KLF12: variants seen among roughly 807,000 people sequenced by gnomAD.
KLF12 encodes the protein KLF transcription factor 12, also known as Krueppel-like factor 12.
KLF12 carries 9 observed loss-of-function variants against 37.8 expected under a neutral mutation model. The observed-to-expected ratio is 0.24, with a 90% confidence interval of 0.14 to 0.42. The LOEUF (loss-of-function observed/expected upper bound fraction) is 0.42. Among genes scored for constraint, KLF12 ranks in the 10% least tolerant of loss-of-function variants. KLF12 has a pLI of 1.00. For missense variants in KLF12, 411 were observed against 516.0 expected, an observed-to-expected ratio of 0.80 and a Z score of 1.97; for synonymous variants, 208 against 202.1, an observed-to-expected ratio of 1.03 and a Z score of -0.25.
chr13:74,155,614 C>T, the KLF12 span, among the ~76,000 whole-genome samples: 4 of 152,230 alleles, frequency 2.6e-5, no homozygotes, highest in East Asian at 3.9e-4. Context: ...CCACCCATCT[C>T]GGTCTCCCAA....
intron 6 of KLF12, among the ~76,000 whole-genome samples, chr13:73,742,757 C>G (rs373337779): frequency 1.3e-5 from 2 of 152,184 alleles, no homozygotes; most frequent in African/African-American, 4.8e-5. Flanking sequence ...AGAGGTCACA[C>G]AGTAGAAATG....
rs78658261 is a variant in KLF12, at chr13:73,925,152, T to C, written c.123+18829A>G. Among the ~76,000 whole-genome samples, 610 of 152,300 alleles carry C rather than the reference T, an allele frequency of 4.0e-3. 5 individuals are homozygous for C. Among genetic ancestry groups the C allele is most frequent in the African/African-American group, 0.013 (523 of 41,556 alleles). On this transcript the variant is annotated intron_variant, in intron 3 of 7. Transcript: ENST00000377669. ...GATTTAGTTAAGATCATTGATGAAG[T>C]TGAGAATATACATTAAACAACAGAC...
chr13:73,762,334 GC>G (rs1879618676), intron 6 of KLF12, among the ~76,000 whole-genome samples: 1 of 152,166 alleles, frequency 6.6e-6, no homozygotes, highest in Admixed American at 6.5e-5. Flanking sequence ...AGCAGATGCT[GC>G]CTCTCGTAAC....
At chr13:74,056,475 G>A (rs986772821) in intron 1 of KLF12, among the ~76,000 whole-genome samples, 3 of 152,092 alleles carry the variant, frequency 2.0e-5, no homozygotes, top group Non-Finnish European at 4.4e-5. Context: ...CAACTGACAC[G>A]GCACTAGGTG....
intron 6 of KLF12, among the ~76,000 whole-genome samples, chr13:73,746,131 C>A (rs1351079714): frequency 1.3e-5 from 2 of 150,580 alleles, no homozygotes; most frequent in African/African-American, 4.9e-5. Context: ...TGTGGGCAAA[C>A]AATGCAGGGA....
chr13:74,080,374 A>C (rs1247049022), intron 1 of KLF12, among the ~76,000 whole-genome samples: 3 of 152,068 alleles, frequency 2.0e-5, no homozygotes, highest in Non-Finnish European at 4.4e-5. Context: ...CTTGAGCCTG[A>C]AAGTTCGAGG....
At chr13:73,917,349 T>C (rs1307938891) in intron 3 of KLF12, among the ~76,000 whole-genome samples, 1 of 152,180 alleles carries the variant, frequency 6.6e-6, no homozygotes, top group African/African-American at 2.4e-5. Context: ...CACTAACCTT[T>C]CCAATGCCTA....
chr13:73,754,271 T>G lies in KLF12; in HGVS notation c.869+10667A>C, dbSNP rs148414019. On this transcript the variant is annotated intron_variant, in intron 6 of 7. Transcript: ENST00000377669. ...AATTTTTTAAAATGTTAGGGCTACA[T>G]CTAATCAATTCCTAACACTCAAAAT... 4.7e-3 allele frequency among the ~76,000 whole-genome samples: 721 copies of G among 152,300 alleles called. 2 individuals are homozygous for G. The highest frequency in any genetic ancestry group is 0.016 in the African/African-American group (670 of 41,552).
Position 73,957,094 on chromosome 13 carries a change from AG to A in KLF12, c.34-13025del, listed in dbSNP as rs1566481742. Among the ~76,000 whole-genome samples the A allele has an allele frequency of 6.2e-5, 9 of 144,688 alleles. 1 individual carries two copies. The highest frequency in any genetic ancestry group is 2.1e-4 in the Admixed American group (3 of 14,412). The allele number at this position is 144,688 out of a possible 152,430, so 94.9% of individuals were successfully genotyped here. A position where few individuals can be genotyped will look rare whatever the true frequency, so the allele number is the denominator to read the frequency against. On this transcript the variant is annotated intron_variant, in intron 2 of 7. Coordinates refer to ENST00000377669, the MANE Select transcript of KLF12 (RefSeq NM_007249.5). ...AGGAAAGGAAAGGAAAGGAAAGGAA[AG>A]GAAAGGAAAGAAAGGAAAAGAAAGA...
intron 6 of KLF12, among the ~76,000 whole-genome samples, chr13:73,720,714 G>T (rs1876176806): frequency 6.6e-6 from 1 of 152,102 alleles, no homozygotes; most frequent in Non-Finnish European, 1.5e-5. Flanking sequence ...ACCCAGAGAG[G>T]CTCAAAAAGT....
intron 6 of KLF12, among the ~76,000 whole-genome samples, chr13:73,725,053 T>G (rs1055575101): frequency 6.6e-6 from 1 of 152,210 alleles, no homozygotes; most frequent in Admixed American, 6.5e-5. Flanking sequence ...GCCACTCTAA[T>G]TATAAGATTT....
chr13:74,286,098 T>A, the KLF12 span, among the ~76,000 whole-genome samples: 1 of 152,202 alleles, frequency 6.6e-6, no homozygotes, highest in South Asian at 2.1e-4. Context: ...AAGATAAACA[T>A]GATGAACAAA....
chr13:73,723,007 A>T (rs1215751493), intron 6 of KLF12, among the ~76,000 whole-genome samples: 1 of 152,200 alleles, frequency 6.6e-6, no homozygotes, highest in Non-Finnish European at 1.5e-5. Flanking sequence ...CCGTTAAAAA[A>T]CTTAAAAGTA....
chr13:73,815,377 G>C (rs1390636819), intron 4 of KLF12, among the ~76,000 whole-genome samples: 1 of 152,180 alleles, frequency 6.6e-6, no homozygotes, highest in Non-Finnish European at 1.5e-5. Context: ...TATTAAAAGG[G>C]ATGTACTGGA....
intron 1 of KLF12, among the ~76,000 whole-genome samples, chr13:74,005,988 C>T (rs1305235187): frequency 6.6e-6 from 1 of 152,146 alleles, no homozygotes; most frequent in African/African-American, 2.4e-5. Flanking sequence ...CATCTGGGTT[C>T]TCATTCTATA....
At chr13:73,740,359 C>T (rs1285959550) in intron 6 of KLF12, among the ~76,000 whole-genome samples, 1 of 152,154 alleles carries the variant, frequency 6.6e-6, no homozygotes, top group African/African-American at 2.4e-5. Flanking sequence ...CCTCCAGAAC[C>T]ACGACAAATA....
the KLF12 span, among the ~76,000 whole-genome samples, chr13:74,166,304 G>A: frequency 6.6e-6 from 1 of 151,920 alleles, no homozygotes; most frequent in Non-Finnish European, 1.5e-5. Flanking sequence ...GTTGCCTAGG[G>A]AGGTCTCAAA....
intron 1 of KLF12, among the ~76,000 whole-genome samples, chr13:74,004,174 C>T (rs80243309): frequency 0.06 from 9,097 of 152,096 alleles, 437 homozygotes; most frequent in African/African-American, 0.14. Context: ...TTGTGAGATA[C>T]AGGAAAGGAA....
the KLF12 span, among the ~76,000 whole-genome samples, chr13:74,169,171 GTATTTT>G: frequency 6.6e-6 from 1 of 152,084 alleles, no homozygotes; most frequent in Non-Finnish European, 1.5e-5. Context: ...ACCCAAGAAA[GTATTTT>G]AATAGAATAT....
Sources: gnomAD v4.1 joint callset for allele counts (sites outside exome capture counted in the v4.1 genomes callset) on GRCh38, gnomAD v4.1.1 for gene constraint, MANE v1.5 for transcripts, NCBI Gene and HGNC (gene_info 2026-07-23, HGNC 2026-07-21) for gene names.